The following CDC14A variants were observed in gnomAD, a reference collection of about 807,000 sequenced individuals.
The protein encoded by CDC14A is dual specificity protein phosphatase CDC14A.
Under a neutral mutation model 74.4 loss-of-function variants are expected in CDC14A, and 53 were observed. The observed-to-expected ratio is 0.71, with a 90% CI of 0.57 to 0.89. The LOEUF is 0.89. Ranked by LOEUF, CDC14A falls within the 40% of genes least tolerant of loss-of-function variation. CDC14A has a pLI of 0.00. For missense variants in CDC14A, 646 were observed against 713.7 expected, an observed-to-expected ratio of 0.91 and a Z score of 1.08; for synonymous variants, 247 against 258.4, an observed-to-expected ratio of 0.96 and a Z score of 0.43.
At chr1:100,378,910 A>G (rs1655707235) in intron 3 of CDC14A, among the ~76,000 whole-genome samples, 1 of 152,174 alleles carries the variant, frequency 6.6e-6, no homozygotes, top group South Asian at 2.1e-4. Flanking sequence ...GGTTTTTGCA[A>G]TCACCTAGGA....
At chr1:100,411,018 T>A (rs1571106632) in intron 4 of CDC14A, among the ~76,000 whole-genome samples, 1 of 131,774 alleles carries the variant, frequency 7.6e-6, no homozygotes, top group Non-Finnish European at 1.5e-5. Flanking sequence ...TGTATAGTGA[T>A]TTTTTTTTGT....
intron 2 of CDC14A, 32 bp from the exon 3 acceptor site, chr1:100,377,514 A>G (rs984107609): frequency 1.4e-6 from 2 of 1,468,050 alleles, no homozygotes; most frequent in African/African-American, 1.4e-5. Context: ...CTTTGACTAA[A>G]TACTACGTTT....
chr1:100,469,354 T>C (rs964570658), intron 10 of CDC14A, among the ~76,000 whole-genome samples: 1 of 152,220 alleles, frequency 6.6e-6, no homozygotes, highest in African/African-American at 2.4e-5. Flanking sequence ...TGCAGATGTC[T>C]AATGAATGCA....
At chr1:100,440,665 C>T (rs1163693687) in intron 6 of CDC14A, among the ~76,000 whole-genome samples, 1 of 152,060 alleles carries the variant, frequency 6.6e-6, no homozygotes, top group African/African-American at 2.4e-5. Context: ...CAGGAATGTA[C>T]ATATTACATA....
intron 11 of CDC14A, among the ~76,000 whole-genome samples, chr1:100,488,303 C>T (rs574926): frequency 0.85 from 129,893 of 152,182 alleles, 58,809 homozygotes; most frequent in Non-Finnish European, 1. Flanking sequence ...GGCACTGTTA[C>T]TAGGCCCATT....
intron 12 of CDC14A, 82 bp from the exon 13 acceptor site, chr1:100,495,920 T>C: frequency 8.9e-7 from 1 of 1,124,526 alleles, no homozygotes; most frequent in African/African-American, 1.5e-5. Flanking sequence ...TTTACTGGTT[T>C]GATACCATTT....
chr1:100,433,421 T>C (rs1049511512), intron 5 of CDC14A, among the ~76,000 whole-genome samples: 16 of 152,230 alleles, frequency 1.1e-4, no homozygotes, highest in Non-Finnish European at 1.5e-5. Flanking sequence ...TCAGTGCTTA[T>C]AAGGGTTCTT....
chr1:100,457,950 A>C (rs1275863125), intron 8 of CDC14A, among the ~76,000 whole-genome samples: 2 of 152,208 alleles, frequency 1.3e-5, no homozygotes, highest in Non-Finnish European at 2.9e-5. Context: ...TAGAAATAGA[A>C]TCACTAGATA....
At chr1:100,513,319 A>G (rs1649938313) in intron 15 of CDC14A, among the ~76,000 whole-genome samples, 1 of 152,190 alleles carries the variant, frequency 6.6e-6, no homozygotes, top group Admixed American at 6.5e-5. Flanking sequence ...TTTAATTTCA[A>G]TCACATTAAA....
intron 5 of CDC14A, among the ~76,000 whole-genome samples, chr1:100,431,015 G>GA (rs1663595150): frequency 6.6e-6 from 1 of 152,174 alleles, no homozygotes; most frequent in South Asian, 2.1e-4. Flanking sequence ...CCTGAGTGTT[G>GA]AAAATAGATG....
intron 2 of CDC14A, among the ~76,000 whole-genome samples, chr1:100,362,038 A>G (rs1652820638): frequency 1.3e-5 from 2 of 152,074 alleles, no homozygotes; most frequent in Admixed American, 6.6e-5. Context: ...AGAGAGGGAC[A>G]CCTTTAAGTA....
In CDC14A at chr1:100,424,116, C is replaced by T. The variant is rs915993531; in HGVS notation, c.310-106C>T. 5.0e-6 allele frequency: 4 copies of T among 803,140 alleles called. No individual in the cohort carries two copies. The South Asian group carries it at 5.5e-5, about 11-fold the overall frequency. The allele number at this position is 803,140 out of a possible 1,614,324, so 49.8% of individuals were successfully genotyped here. On this transcript the variant is annotated intron_variant, in intron 4 of 15. Transcript: ENST00000336454. ...GCTTTGTAAAGATCAACACTATCACCGTAACAGCTGTCACTCAAAGTGGAG... is the reference window on the plus strand; with the variant it reads ...GCTTTGTAAAGATCAACACTATCACTGTAACAGCTGTCACTCAAAGTGGAG...
chr1:100,495,974 T>C, intron 12 of CDC14A, 28 bp from the exon 13 acceptor site: 3 of 1,606,918 alleles, frequency 1.9e-6, no homozygotes, highest in Admixed American at 1.7e-5. Context: ...CCTGGTGATA[T>C]GTGAGCATCT....
rs112066418 is a variant in CDC14A at position 100,366,215 on chromosome 1, G to A, written c.141-11331G>A. ...CGATCTTATAGAATTTATTCATCCT[G>A]TTTTTAAAGCAGTTAATTTTTTTTG... On this transcript the variant is annotated intron_variant, in intron 2 of 15. Coordinates refer to ENST00000336454, the MANE Select transcript of CDC14A (RefSeq NM_003672.4). 7.0e-3 allele frequency among the ~76,000 whole-genome samples: 1,070 copies of A among 152,214 alleles called. 14 individuals are homozygous for A. Among genetic ancestry groups the A allele is most frequent in the African/African-American group, 0.025 (1,028 of 41,518 alleles).
chr1:100,424,230 T>C lies in CDC14A; in HGVS notation c.318T>C (p.Tyr106=), dbSNP rs1295968095. Residue 106 remains tyrosine (Y), a synonymous_variant, in exon 5 of 16, where the codon TAT becomes TAC. Transcript: ENST00000336454. ...CTATTTATCTGTCTTAGGTAATCTA[T>C]TTAAAGAAGACACCAGAAGAAGCCT... ...AFLIGAYAVI[Y]LKKTPEEAYR... The C allele has an allele frequency of 1.9e-6, 3 of 1,611,126 alleles. No individual in the cohort carries two copies. The highest frequency in any genetic ancestry group is 2.2e-5 in the South Asian group (2 of 91,034).
At chr1:100,418,050 C>T (rs1661755403) in intron 4 of CDC14A, among the ~76,000 whole-genome samples, 1 of 152,118 alleles carries the variant, frequency 6.6e-6, no homozygotes, top group Admixed American at 6.6e-5. Flanking sequence ...GACTGTGTGA[C>T]CTTGAGCAAC....
At chr1:100,396,930 G>T (rs1298867590) in intron 4 of CDC14A, among the ~76,000 whole-genome samples, 1 of 152,130 alleles carries the variant, frequency 6.6e-6, no homozygotes, top group Non-Finnish European at 1.5e-5. Context: ...CTGTCATAAG[G>T]ATCAAAAAGG....
chr1:100,404,821 C>G (rs1203458965), intron 4 of CDC14A, among the ~76,000 whole-genome samples: 1 of 151,812 alleles, frequency 6.6e-6, no homozygotes, highest in Non-Finnish European at 1.5e-5. Flanking sequence ...CAGAGCGAGA[C>G]TCCGTCTCAA....
intron 10 of CDC14A, among the ~76,000 whole-genome samples, chr1:100,474,146 C>T (rs763531817): frequency 3.7e-4 from 57 of 152,118 alleles, no homozygotes; most frequent in Non-Finnish European, 7.9e-4. Context: ...TGGTAGATTG[C>T]ATCGATTGTT....
Sources: gnomAD v4.1 joint callset for allele counts (sites outside exome capture counted in the v4.1 genomes callset) on GRCh38, gnomAD v4.1.1 for gene constraint, MANE v1.5 for transcripts, NCBI Gene and HGNC (gene_info 2026-07-23, HGNC 2026-07-21) for gene names.